The following CCDC102B variants were observed in gnomAD, a reference collection of about 807,000 sequenced individuals.
CCDC102B encodes the protein coiled-coil domain containing 102B.
A neutral mutation model predicts 57.4 loss-of-function variants in CCDC102B; 75 were observed. The observed-to-expected ratio is 1.31, with a 90% CI of 1.08 to 1.58. The LOEUF (loss-of-function observed/expected upper bound fraction) is 1.58. Among genes scored for constraint, CCDC102B ranks in the 40% most tolerant of loss-of-function variants. The pLI, the probability that CCDC102B is intolerant of heterozygous loss-of-function variation, is 0.00. For missense variants in CCDC102B, 636 were observed against 582.6 expected (o/e 1.09, Z -0.94); for synonymous variants, 206 against 201.9 (o/e 1.02, Z -0.17).
At position 68,816,223 on chromosome 18, in the gene CCDC102B, G is replaced by C. The variant is rs184002148; in HGVS notation, c.-16+18042G>C. On this transcript the variant is annotated intron_variant, in intron 1 of 7. Transcript: ENST00000360242. The stretch of plus-strand genomic sequence containing the variant: ...TTAACTTCAGCCACAAATCCATCAT[G>C]TACAGAAAGAGAATTTCAAGTAGTA... Among the ~76,000 whole-genome samples, 182 of 152,250 alleles carry C rather than the reference G, an allele frequency of 1.2e-3. 1 individual carries two copies. Among genetic ancestry groups the C allele is most frequent in the African/African-American group, 4.2e-3 (174 of 41,560 alleles).
intron 2 of CCDC102B, among the ~76,000 whole-genome samples, chr18:68,787,024 G>A (rs2035238620): frequency 6.6e-6 from 1 of 151,538 alleles, no homozygotes; most frequent in African/African-American, 2.4e-5. Flanking sequence ...TTTATTGAGA[G>A]TTTTTAGCAT....
rs1391046123 is a variant in CCDC102B, at chr18:68,857,130, TTTATATA to T, written c.936+10718_936+10724del. 1.2e-3 allele frequency among the ~76,000 whole-genome samples: 74 copies of T among 63,796 alleles called. 7 individuals are homozygous for T. Among genetic ancestry groups the T allele is most frequent in the East Asian group, 2.9e-3 (3 of 1,030 alleles). The allele number at this position is 63,796 out of a possible 152,430, so 41.9% of individuals were successfully genotyped here. ...TTATATATAAATATATTTATATATT[TTTATATA>T]TTATATATAAATATATTTATATATT... On this transcript the variant is annotated intron_variant, in intron 4 of 7. Transcript: ENST00000360242.
intron 1 of CCDC102B, among the ~76,000 whole-genome samples, chr18:68,825,261 C>T (rs1212595613): frequency 2.6e-5 from 4 of 152,108 alleles, no homozygotes; most frequent in African/African-American, 4.8e-5. Flanking sequence ...CACTACTGAA[C>T]TTAAGGTGCT....
chr18:69,056,529 T>C (rs2052817615), downstream of CCDC102B, among the ~76,000 whole-genome samples: 1 of 151,960 alleles, frequency 6.6e-6, no homozygotes, highest in African/African-American at 2.4e-5. Flanking sequence ...CTCATCCTTT[T>C]TGCAGAATAA....
intron 6 of CCDC102B, among the ~76,000 whole-genome samples, chr18:68,974,546 G>A (rs2050384472): frequency 6.6e-6 from 1 of 151,402 alleles, no homozygotes; most frequent in African/African-American, 2.4e-5. Flanking sequence ...GGTTCTTGTT[G>A]GATATAGTTA....
At chr18:68,775,445 A>T (rs1336481062) in intron 2 of CCDC102B, among the ~76,000 whole-genome samples, 1 of 151,914 alleles carries the variant, frequency 6.6e-6, no homozygotes, top group Non-Finnish European at 1.5e-5. Context: ...TTCCCTTGAC[A>T]TTTATTTATT....
At position 68,874,764 on chromosome 18, in the gene CCDC102B, G is replaced by T; in HGVS notation, c.1032G>T (p.Val344=). Residue 344 remains valine (V), a synonymous_variant, in exon 5 of 8, where the codon GTG becomes GTT. Transcript: ENST00000360242. ...AATCTCAAAACAGCAAAGACAGAGT[G>T]ATTTGTGAGTTAAGAGCAGAGGTAA... ...ESKSQNSKDR[V]ICELRAELER... 2 of 1,606,946 alleles carry T rather than the reference G, an allele frequency of 1.2e-6. No individual in the cohort carries two copies. The highest frequency in any genetic ancestry group is 1.1e-5 in the South Asian group (1 of 90,870).
chr18:68,921,515 A>G (rs2041280449), intron 6 of CCDC102B, among the ~76,000 whole-genome samples: 1 of 152,196 alleles, frequency 6.6e-6, no homozygotes, highest in Non-Finnish European at 1.5e-5. Flanking sequence ...GCATATATAG[A>G]TTACCCTACA....
upstream of CCDC102B, among the ~76,000 whole-genome samples, chr18:68,793,793 G>A (rs945662801): frequency 5.3e-5 from 8 of 152,068 alleles, 1 homozygote; most frequent in African/African-American, 1.9e-4. Context: ...GAAATTCATA[G>A]CTTTTTGAGA....
intron 4 of CCDC102B, among the ~76,000 whole-genome samples, chr18:68,870,594 A>G (rs1181141759): frequency 1.3e-5 from 2 of 152,228 alleles, no homozygotes; most frequent in African/African-American, 4.8e-5. Context: ...ATATTTTAGA[A>G]GAGATGTCTC....
chr18:68,846,342 A>G lies in CCDC102B; in HGVS notation c.857A>G (p.Glu286Gly), dbSNP rs1364274729. 19 of 1,577,034 alleles carry G rather than the reference A, an allele frequency of 1.2e-5. No individual in the cohort carries two copies. Among genetic ancestry groups the G allele is most frequent in the Non-Finnish European group, 1.5e-5 (18 of 1,165,766 alleles). Reference sequence around the variant, plus strand: ...CGCACAGCTTTGGAAAAAGAAATAGAGAGACTGGAGTCGGCTTTGTCTCTG... The same window carrying G: ...CGCACAGCTTTGGAAAAAGAAATAGGGAGACTGGAGTCGGCTTTGTCTCTG... ...EMRTALEKEI[E>G]RLESALSLWK... Residue 286 changes from glutamate (E) to glycine (G), a missense_variant, in exon 4 of 8, where the codon GAG (glutamate) becomes GGG (glycine). Physicochemically the swap from Glu to Gly is moderately conservative, Grantham distance 98. Transcript: ENST00000360242.
chr18:68,770,559 G>A (rs1314317245), intron 2 of CCDC102B, among the ~76,000 whole-genome samples: 1 of 152,164 alleles, frequency 6.6e-6, no homozygotes, highest in South Asian at 2.1e-4. Context: ...CCTCAGAGGG[G>A]GGAGAATTGT....
rs540321235 is a variant in CCDC102B at position 68,792,888 on chromosome 18, TTC to T, written c.-66-30476_-66-30475del. ...TTAGACATTTTCATAAAAGTGCATA[TTC>T]TGTTTATAAAGAAAATTTGGACATT... On this transcript the variant is annotated intron_variant, in intron 2 of 3. Transcript: ENST00000578970. Among the ~76,000 whole-genome samples the T allele has an allele frequency of 8.5e-5, 13 of 152,348 alleles. No individual in the cohort carries two copies. The South Asian group carries it at 2.5e-3, about 29-fold the overall frequency.
chr18:69,007,434 A>T (rs991115642), intron 6 of CCDC102B, among the ~76,000 whole-genome samples: 2 of 152,214 alleles, frequency 1.3e-5, no homozygotes, highest in Non-Finnish European at 2.9e-5. Context: ...ATTTTTAAAA[A>T]ATTATTTCCC....
At chr18:68,890,580 C>T (rs2040039257) in intron 5 of CCDC102B, among the ~76,000 whole-genome samples, 1 of 152,128 alleles carries the variant, frequency 6.6e-6, no homozygotes, top group Non-Finnish European at 1.5e-5. Flanking sequence ...ATAATGCACT[C>T]CCTTACCAAG....
chr18:68,768,294 G>A (rs1439171953), intron 2 of CCDC102B, among the ~76,000 whole-genome samples: 2 of 152,208 alleles, frequency 1.3e-5, no homozygotes, highest in Non-Finnish European at 2.9e-5. Flanking sequence ...CCTAATGATA[G>A]CCTTTTCCAG....
intron 1 of CCDC102B, chr18:68,823,293 G>A (rs1352101258): frequency 7.2e-5 from 11 of 152,256 alleles, no homozygotes; most frequent in Admixed American, 2.0e-4. Context: ...CCTGTCTGTA[G>A]AGTGTATGTT....
intron 2 of CCDC102B, among the ~76,000 whole-genome samples, chr18:68,837,620 G>A (rs949690247): frequency 3.3e-5 from 5 of 152,138 alleles, no homozygotes; most frequent in Non-Finnish European, 7.3e-5. Context: ...ATAGAAAGCC[G>A]TTTTCTCCCT....
intron 4 of CCDC102B, among the ~76,000 whole-genome samples, chr18:68,858,285 T>A (rs1568294012): frequency 6.6e-6 from 1 of 152,234 alleles, no homozygotes; most frequent in Admixed American, 6.5e-5. Context: ...ATCATTGATG[T>A]GCACATCAAA....
Sources: allele counts gnomAD v4.1 joint callset (sites outside exome capture counted in the v4.1 genomes callset), GRCh38; gene constraint gnomAD v4.1.1; transcripts MANE v1.5; gene names NCBI Gene and HGNC (gene_info 2026-07-23, HGNC 2026-07-21).